The following MEF2A variants were observed in gnomAD, a reference collection of about 807,000 sequenced individuals.
MEF2A encodes the protein myocyte enhancer factor 2A, also known as myocyte-specific enhancer factor 2A.
MEF2A carries 28 observed loss-of-function variants against 55.8 expected under a neutral mutation model. The observed-to-expected ratio is 0.50, with a 90% CI of 0.37 to 0.69. The LOEUF is 0.69. Among genes scored for constraint, MEF2A ranks in the 30% least tolerant of loss-of-function variants. The probability of loss-of-function intolerance (pLI) is 0.00; values close to 1 mark genes in which losing one functional copy is unlikely to be tolerated. For synonymous variants in MEF2A, 239 were observed against 227.1 expected (o/e 1.05, Z -0.47); for missense variants, 528 against 626.2 (o/e 0.84, Z 1.67).
At chr15:99,689,527 C>T (rs1372122125) in intron 7 of MEF2A, among the ~76,000 whole-genome samples, 1 of 152,208 alleles carries the variant, frequency 6.6e-6, no homozygotes, top group African/African-American at 2.4e-5. Flanking sequence ...GTCACCCACG[C>T]TGTAGTGCAG....
chr15:99,628,541 CT>C (rs1301765388), intron 2 of MEF2A, among the ~76,000 whole-genome samples: 2 of 152,006 alleles, frequency 1.3e-5, no homozygotes, highest in Middle Eastern at 3.2e-3. Context: ...ATTTTTCCCC[CT>C]CTTAGCTGTT....
chr15:99,635,947 C>T (rs1176299982), intron 3 of MEF2A, among the ~76,000 whole-genome samples: 1 of 152,066 alleles, frequency 6.6e-6, no homozygotes, highest in East Asian at 1.9e-4. Context: ...GTTGCTGAGT[C>T]ATAAGGGTAT....
chr15:99,692,032 C>T (rs28405185), intron 8 of MEF2A, among the ~76,000 whole-genome samples: 1 of 151,870 alleles, frequency 6.6e-6, no homozygotes, highest in African/African-American at 2.4e-5. Flanking sequence ...TACTACCATA[C>T]TAAATGATAT....
At chr15:99,628,171 TTTTGAAGTATCCTTCTATATCTA>T (rs1284352979) in intron 2 of MEF2A, among the ~76,000 whole-genome samples, 1 of 152,050 alleles carries the variant, frequency 6.6e-6, no homozygotes, top group Non-Finnish European at 1.5e-5. Flanking sequence ...ACTTTTATTG[TTTTGAAGTATCCTTCTATATCTA>T]TCCATGCAAT....
chr15:99,695,967 T>C (rs2056415687), intron 8 of MEF2A, among the ~76,000 whole-genome samples: 1 of 151,900 alleles, frequency 6.6e-6, no homozygotes, highest in Non-Finnish European at 1.5e-5. Context: ...AAAAGAAAGC[T>C]AAAGCAGACC....
intron 2 of MEF2A, among the ~76,000 whole-genome samples, chr15:99,607,223 T>C (rs1975488876): frequency 6.6e-6 from 1 of 152,154 alleles, no homozygotes; most frequent in Admixed American, 6.5e-5. Context: ...AGGAAAATTG[T>C]TGACTTCTAG....
chr15:99,588,897 G>A (rs1324790653), intron 1 of MEF2A, among the ~76,000 whole-genome samples: 3 of 151,930 alleles, frequency 2.0e-5, no homozygotes, highest in Admixed American at 6.6e-5. Flanking sequence ...AACCAACCTT[G>A]TATTCCTGAG....
intron 2 of MEF2A, among the ~76,000 whole-genome samples, chr15:99,632,190 T>TAC (rs150342548): frequency 0.046 from 6,929 of 152,182 alleles, 217 homozygotes; most frequent in Non-Finnish European, 0.07. Flanking sequence ...TTAAAATTTA[T>TAC]ACACACACAC....
intron 2 of MEF2A, among the ~76,000 whole-genome samples, chr15:99,624,766 A>G (rs1026976563): frequency 2.5e-4 from 38 of 152,322 alleles, no homozygotes; most frequent in African/African-American, 2.9e-4. Context: ...TGCAGTATTG[A>G]TATCTTAATA....
At chr15:99,678,594 A>G in intron 7 of MEF2A, 1 of 930,032 alleles carries the variant, frequency 1.1e-6, no homozygotes, top group Non-Finnish European at 1.3e-6. Flanking sequence ...CCTTGTTCGT[A>G]TTTTAATTTT....
At chr15:99,683,413 TTTTG>T (rs2053603160) in intron 7 of MEF2A, among the ~76,000 whole-genome samples, 1 of 152,162 alleles carries the variant, frequency 6.6e-6, no homozygotes, top group Admixed American at 6.5e-5. Context: ...TCAGAAATTC[TTTTG>T]TTTGTTTGAG....
intron 10 of MEF2A, among the ~76,000 whole-genome samples, chr15:99,708,878 G>A (rs1030560827): frequency 4.6e-5 from 7 of 152,168 alleles, no homozygotes; most frequent in Non-Finnish European, 8.8e-5. Flanking sequence ...GTTTGCGGGC[G>A]GGACGGGGCT....
intron 3 of MEF2A, among the ~76,000 whole-genome samples, chr15:99,637,271 A>T (rs1167496253): frequency 6.6e-6 from 1 of 152,170 alleles, no homozygotes; most frequent in Non-Finnish European, 1.5e-5. Flanking sequence ...ATTTAGGGAG[A>T]ATTGAAATCT....
chr15:99,674,681 C>T, intron 6 of MEF2A, 69 bp downstream of exon 6: 3 of 1,286,878 alleles, frequency 2.3e-6, no homozygotes, highest in South Asian at 2.5e-5. Context: ...CTAACATAAG[C>T]AGTTTCTTAT....
At chr15:99,605,703 C>T (rs1974832477) in intron 2 of MEF2A, among the ~76,000 whole-genome samples, 1 of 149,656 alleles carries the variant, frequency 6.7e-6, no homozygotes, top group African/African-American at 2.4e-5. Flanking sequence ...GGTGCAGTGG[C>T]TCGTGTCTGT....
intron 1 of MEF2A, among the ~76,000 whole-genome samples, chr15:99,577,027 C>T (rs1336230226): frequency 6.6e-6 from 1 of 152,116 alleles, no homozygotes; most frequent in Non-Finnish European, 1.5e-5. Context: ...CATCAAAATG[C>T]CTAATGTTGG....
chr15:99,612,419 A>C (rs986523690), intron 2 of MEF2A, among the ~76,000 whole-genome samples: 2 of 152,152 alleles, frequency 1.3e-5, no homozygotes, highest in African/African-American at 4.8e-5. Flanking sequence ...CTGTCTCAAA[A>C]AAACAAACAA....
At chr15:99,645,125 T>C (rs1445508521) in intron 3 of MEF2A, among the ~76,000 whole-genome samples, 12 of 152,154 alleles carry the variant, frequency 7.9e-5, no homozygotes, top group Admixed American at 7.9e-4. Flanking sequence ...GTGGGTACAA[T>C]AGAGAAGGGC....
intron 1 of MEF2A, among the ~76,000 whole-genome samples, chr15:99,571,239 C>T (rs1294679984): frequency 6.6e-6 from 1 of 151,646 alleles, no homozygotes; most frequent in Non-Finnish European, 1.5e-5. Flanking sequence ...AGTTAAAATA[C>T]CCACTGTTCT....
Sources: allele counts gnomAD v4.1 joint callset (sites outside exome capture counted in the v4.1 genomes callset), GRCh38; gene constraint gnomAD v4.1.1; transcripts MANE v1.5; gene names NCBI Gene and HGNC (gene_info 2026-07-23, HGNC 2026-07-21).